WDR62: variants seen among roughly 807,000 people sequenced by gnomAD.
The protein encoded by WDR62 is WD repeat domain 62.
A neutral mutation model predicts 160.6 loss-of-function variants in WDR62; 112 were observed. The ratio of observed to expected loss-of-function variants is 0.70; its 90% CI spans 0.60 to 0.82. The LOEUF is 0.82. WDR62 is among the 40% of genes least tolerant of loss of function. The probability of loss-of-function intolerance (pLI) is 0.00; values close to 1 mark genes in which losing one functional copy is unlikely to be tolerated. For missense variants in WDR62, 1,819 were observed against 1,983.8 expected, an observed-to-expected ratio of 0.92 and a Z score of 1.58; for synonymous variants, 792 against 815.1, an observed-to-expected ratio of 0.97 and a Z score of 0.48.
At position 36,073,344 on chromosome 19, in the gene WDR62, T is replaced by A. The variant is rs770375999; in HGVS notation, c.1046T>A (p.Phe349Tyr). The change falls in exon 9 of 32, where the codon TTC (phenylalanine) becomes TAC (tyrosine). Residue 349 changes from phenylalanine to tyrosine, a missense_variant and splice_region_variant. Around this residue, in one of 3 missense-constraint regions of WDR62, gnomAD observed 934 missense variants for 1,157.2 expected, o/e 0.81. Coordinates refer to ENST00000401500, the MANE Select transcript of WDR62 (RefSeq NM_001083961.2). ...VDVAQGLEPS[F>Y]LFHRKAEAVY... is the part of the protein sequence containing the mutation. Reference sequence around the variant, plus strand: ...GATTACCCATGTGGCCTTGTTAGCTTCCTCTTCCACAGGAAGGCGGAAGCA... The same window carrying A: ...GATTACCCATGTGGCCTTGTTAGCTACCTCTTCCACAGGAAGGCGGAAGCA... 1.2e-6 allele frequency: 2 copies of A among 1,614,080 alleles called. No homozygotes were observed. Among genetic ancestry groups the A allele is most frequent in the South Asian group, 1.1e-5 (1 of 91,078 alleles).
intron 3 of WDR62, 144 bp downstream of exon 3, chr19:36,060,174 T>A: frequency 1.2e-6 from 1 of 827,710 alleles, no homozygotes; most frequent in Non-Finnish European, 2.0e-6. Context: ...CTGTGCTGGG[T>A]GCTGTTCCGT....
chr19:36,080,969 T>C lies in WDR62; in HGVS notation c.1234-464T>C, dbSNP rs117934496. 1.2e-3 allele frequency among the ~76,000 whole-genome samples: 188 copies of C among 152,248 alleles called. 1 individual carries two copies. In the East Asian group the frequency reaches 0.024, roughly 20 times the overall value. On this transcript the variant is annotated intron_variant, in intron 9 of 31. Coordinates refer to ENST00000401500, the MANE Select transcript of WDR62 (RefSeq NM_001083961.2). ...TTTTGTTTTTGGTTTGTCTGTCTGTTTGTTTTGAGACACAGTCTCATATGT... is the reference window on the plus strand; with the variant it reads ...TTTTGTTTTTGGTTTGTCTGTCTGTCTGTTTTGAGACACAGTCTCATATGT...
Position 36,084,642 on chromosome 19 carries a change from G to A in WDR62, c.1551-11G>A, listed in dbSNP as rs533689187. ...GGTGTGGGGCTTCAGCGGGCGGTGT[G>A]TGTCTCCCAGGATCCACGAGCTGCA... On this transcript the variant is annotated splice_polypyrimidine_tract_variant and intron_variant, in intron 11 of 31. Coordinates refer to ENST00000401500, the MANE Select transcript of WDR62 (RefSeq NM_001083961.2). 4 of 1,613,628 alleles carry A rather than the reference G, an allele frequency of 2.5e-6. No homozygotes were observed. The South Asian group carries it at 4.4e-5, about 18-fold the overall frequency.
At chr19:36,084,075 C>T (rs2145725599) in intron 11 of WDR62, among the ~76,000 whole-genome samples, 1 of 152,190 alleles carries the variant, frequency 6.6e-6, no homozygotes, top group South Asian at 2.1e-4. Context: ...TTGGTGGGCG[C>T]TGGCCTGAGC....
At chr19:36,058,933 A>C (rs200472769) in intron 2 of WDR62, 62 bp downstream of exon 2, 16 of 1,388,380 alleles carry the variant, frequency 1.2e-5, no homozygotes, top group Non-Finnish European at 1.4e-5. Context: ...TGGAACCTGA[A>C]GCCATCCGTA....
chr19:36,068,623 A>G (rs905999511), intron 7 of WDR62, among the ~76,000 whole-genome samples: 5 of 152,234 alleles, frequency 3.3e-5, no homozygotes, highest in Admixed American at 6.5e-5. Context: ...CCCTTAATGC[A>G]TTTAACCCTG....
intron 23 of WDR62, 27 bp downstream of exon 23, chr19:36,100,902 C>T (rs1973290410): frequency 6.2e-7 from 1 of 1,613,750 alleles, no homozygotes; most frequent in African/African-American, 1.3e-5. Flanking sequence ...CCAAGGGAGC[C>T]TTAGTTGGAG....
intron 9 of WDR62, among the ~76,000 whole-genome samples, chr19:36,077,181 C>G (rs888568358): frequency 6.6e-6 from 1 of 152,120 alleles, no homozygotes; most frequent in Middle Eastern, 3.2e-3. Flanking sequence ...CCCACTCCCC[C>G]CATCCATGGA....
chr19:36,096,820 G>GGTA (rs1972994255), intron 20 of WDR62, among the ~76,000 whole-genome samples: 2 of 152,264 alleles, frequency 1.3e-5, no homozygotes, highest in South Asian at 4.1e-4. Flanking sequence ...GCCATCCTTT[G>GGTA]GTAGTATTAA....
intron 8 of WDR62, 36 bp downstream of exon 8, chr19:36,071,752 C>T: frequency 2.5e-6 from 4 of 1,597,124 alleles, no homozygotes; most frequent in Non-Finnish European, 2.6e-6. Flanking sequence ...GGGAGGGGCC[C>T]ACCCAGAGTC....
chr19:36,107,129 A>G (rs1434825472), downstream of WDR62, among the ~76,000 whole-genome samples: 1 of 152,144 alleles, frequency 6.6e-6, no homozygotes, highest in Non-Finnish European at 1.5e-5. Context: ...AGGGCCCAAG[A>G]TGGAGGGACG....
intron 26 of WDR62, chr19:36,102,463 T>C (rs564271708): frequency 1.7e-6 from 1 of 582,800 alleles, no homozygotes; most frequent in South Asian, 2.0e-5. Context: ...GGTTTCACCA[T>C]GTTGGCCAGA....
At chr19:36,100,133 A>G (rs1020024295) in intron 22 of WDR62, among the ~76,000 whole-genome samples, 3 of 152,142 alleles carry the variant, frequency 2.0e-5, no homozygotes, top group African/African-American at 7.2e-5. Context: ...TTTGTTTTTA[A>G]ATGGTAATAA....
rs1421683492 is a variant in WDR62, at chr19:36,103,851, C to T, written c.4023C>T (p.Gly1341=). The T allele has an allele frequency of 3.7e-6, 6 of 1,603,806 alleles. No homozygotes were observed. The highest frequency in any genetic ancestry group is 3.3e-5 in the South Asian group (3 of 91,070). ...PVEESALRLH[G]SAFRPSLPAP... is the part of the protein sequence containing the mutation. ...AAGAGAGCGCCCTGAGGCTCCACGG[C>T]TCTGCCTTTCGCCCAAGTCTCCCAG... Residue 1341 remains glycine, a synonymous_variant, in exon 30 of 32, where the codon GGC becomes GGT. Coordinates refer to ENST00000401500, the MANE Select transcript of WDR62 (RefSeq NM_001083961.2).
intron 15 of WDR62, among the ~76,000 whole-genome samples, chr19:36,089,917 T>A (rs1235172463): frequency 6.6e-6 from 1 of 152,204 alleles, no homozygotes; most frequent in Non-Finnish European, 1.5e-5. Flanking sequence ...TGGATGGTGC[T>A]GGGATCATGG....
At chr19:36,063,308 G>A (rs896779388) in intron 3 of WDR62, among the ~76,000 whole-genome samples, 1 of 151,776 alleles carries the variant, frequency 6.6e-6, no homozygotes. Context: ...GGAGTGCAGT[G>A]GGGCGATCTT....
At chr19:36,081,601 A>C (rs749730316) in intron 10 of WDR62, 31 bp downstream of exon 10, 1 of 1,614,146 alleles carries the variant, frequency 6.2e-7, no homozygotes, top group East Asian at 2.2e-5. Context: ...ACCATCTTTC[A>C]GGAGGAACAA....
At position 36,086,732 on chromosome 19, in the gene WDR62, TG is replaced by T; in HGVS notation, c.1689del (p.Leu564Ter). ...ASASRDRLIH[V>X]LNVEKNYNLE... The stretch of plus-strand genomic sequence containing the variant: ...GCCAGTCGGGACCGGCTGATCCATG[TG>T]CTGAACGTGGAGAAGAACTACAACC... On this transcript the variant is annotated frameshift_variant, in exon 13 of 32. Transcript: ENST00000401500. LOFTEE classifies it high-confidence loss of function. 1 of 1,606,014 alleles carries T rather than the reference TG, an allele frequency of 6.2e-7. No homozygotes were observed. Among genetic ancestry groups the T allele is most frequent in the Non-Finnish European group, 8.5e-7 (1 of 1,175,858 alleles).
In WDR62 at chr19:36,083,260, T is replaced by C. The variant is rs1972009663; in HGVS notation, c.1550+19T>C. 1.3e-6 allele frequency: 2 copies of C among 1,580,394 alleles called. No individual in the cohort carries two copies. Among genetic ancestry groups the C allele is most frequent in the African/African-American group, 2.7e-5 (2 of 74,134 alleles). On this transcript the variant is annotated intron_variant, in intron 11 of 31. Transcript: ENST00000401500. ...ATCTGAGGCAAGTGGGCCCTGGCAG[T>C]GTCCAGTGTACACCTCCCAGCTCCA...
Sources: allele counts gnomAD v4.1 joint callset (sites outside exome capture counted in the v4.1 genomes callset), GRCh38; gene constraint gnomAD v4.1.1; regional missense constraint gnomAD v4.1.1; transcripts MANE v1.5; gene names NCBI Gene and HGNC (gene_info 2026-07-23, HGNC 2026-07-21).